Variants in ZNF83 observed in about 807,000 individuals in gnomAD.
ZNF83 encodes zinc finger protein 816B.
For synonymous variants in ZNF83, 209 were observed against 213.0 expected, an observed-to-expected ratio of 0.98 and a Z score of 0.17; for missense variants, 552 against 629.9, an observed-to-expected ratio of 0.88 and a Z score of 1.32.
At chr19:52,663,736 G>C (rs574893588) in intron 1 of ZNF83, among the ~76,000 whole-genome samples, 5 of 152,214 alleles carry the variant, frequency 3.3e-5, no homozygotes, top group Non-Finnish European at 1.5e-5. Context: ...ATAAATTTCA[G>C]AGAAAAACAA....
chr19:52,631,929 A>C (rs572820785), intron 2 of ZNF83, among the ~76,000 whole-genome samples: 17 of 124,190 alleles, frequency 1.4e-4, no homozygotes, highest in South Asian at 7.2e-4. Context: ...CTCAGGGATT[A>C]TTCAGGCCCC....
chr19:52,664,650 C>A (rs1488171165), intron 1 of ZNF83, among the ~76,000 whole-genome samples: 2 of 150,682 alleles, frequency 1.3e-5, no homozygotes, highest in Non-Finnish European at 2.9e-5. Flanking sequence ...GGTGGAACCC[C>A]AGGAGGTGAG....
intron 2 of ZNF83, among the ~76,000 whole-genome samples, chr19:52,626,344 T>TACTC: frequency 6.6e-6 from 1 of 152,336 alleles, no homozygotes; most frequent in South Asian, 2.1e-4. Flanking sequence ...GGCCTGGACT[T>TACTC]ACTCACTGCT....
intron 2 of ZNF83, among the ~76,000 whole-genome samples, chr19:52,630,751 C>T (rs563068975): frequency 2.6e-5 from 4 of 152,058 alleles, no homozygotes; most frequent in Non-Finnish European, 5.9e-5. Flanking sequence ...TTACCCCACT[C>T]AACGCCAGTA....
intron 1 of ZNF83, among the ~76,000 whole-genome samples, chr19:52,681,307 C>G (rs1430474425): frequency 1.1e-5 from 1 of 89,560 alleles, no homozygotes; most frequent in African/African-American, 3.8e-5. Flanking sequence ...AAAAAGCAAA[C>G]GAACATAGAG....
intron 1 of ZNF83, among the ~76,000 whole-genome samples, chr19:52,668,865 G>A (rs965520405): frequency 1.3e-5 from 2 of 152,072 alleles, no homozygotes; most frequent in African/African-American, 4.8e-5. Context: ...TACATCCTGG[G>A]GTAACAAGTT....
chr19:52,618,823 A>C (rs920354719), intron 2 of ZNF83: 1 of 1,451,206 alleles, frequency 6.9e-7, no homozygotes. Flanking sequence ...TCATTTCAAA[A>C]TCAATACGGC....
chr19:52,634,798 C>G (rs1254892451), intron 2 of ZNF83, among the ~76,000 whole-genome samples: 1 of 152,088 alleles, frequency 6.6e-6, no homozygotes, highest in Non-Finnish European at 1.5e-5. Context: ...GCACTGACAC[C>G]ACGGGACCCT....
At chr19:52,679,182 G>C (rs2061867367) in intron 1 of ZNF83, among the ~76,000 whole-genome samples, 1 of 152,202 alleles carries the variant, frequency 6.6e-6, no homozygotes, top group Non-Finnish European at 1.5e-5. Flanking sequence ...CCTCATAGGA[G>C]GCTGTGAGCC....
chr19:52,640,061 C>T (rs571265260), upstream of ZNF83, among the ~76,000 whole-genome samples: 565 of 152,326 alleles, frequency 3.7e-3, 1 homozygote, highest in Non-Finnish European at 5.9e-3. Flanking sequence ...CCATCTGTGT[C>T]AGCTAATTAG....
At chr19:52,614,022 T>C in exon 3 of ZNF83, 1 of 1,613,340 alleles carries the variant, frequency 6.2e-7, no homozygotes, top group African/African-American at 1.3e-5. Context: ...CCTTGCCACA[T>C]TCATTACATT....
At chr19:52,683,865 G>C (rs904466784) in intron 1 of ZNF83, among the ~76,000 whole-genome samples, 2 of 152,162 alleles carry the variant, frequency 1.3e-5, no homozygotes, top group Non-Finnish European at 2.9e-5. Flanking sequence ...AGGTGCTGCT[G>C]TTGTCCTGTG....
chr19:52,640,705 C>CG (rs552043591), upstream of ZNF83, among the ~76,000 whole-genome samples: 373 of 152,220 alleles, frequency 2.5e-3, 3 homozygotes, highest in Non-Finnish European at 4.1e-3. Context: ...CTCCCCACTG[C>CG]GCTGCCCCAG....
chr19:52,651,541 G>A (rs1446823326), intron 3 of ZNF83: 1 of 152,490 alleles, frequency 6.6e-6, no homozygotes, highest in East Asian at 1.9e-4. Flanking sequence ...GGGACTATGT[G>A]GTGTGGTGGC....
At chr19:52,665,931 T>C (rs1295995021) in intron 1 of ZNF83, among the ~76,000 whole-genome samples, 1 of 151,352 alleles carries the variant, frequency 6.6e-6, no homozygotes, top group Non-Finnish European at 1.5e-5. Context: ...GAGGCTGAGG[T>C]GGGCAAATCA....
At chr19:52,677,076 T>C (rs993427190) in intron 1 of ZNF83, among the ~76,000 whole-genome samples, 114 of 143,680 alleles carry the variant, frequency 7.9e-4, no homozygotes, top group African/African-American at 2.6e-3. Flanking sequence ...TGTTGTCCTA[T>C]GACCCTGCCA....
intron 1 of ZNF83, among the ~76,000 whole-genome samples, chr19:52,665,709 A>G (rs955168729): frequency 2.0e-5 from 3 of 152,108 alleles, no homozygotes; most frequent in Admixed American, 6.5e-5. Flanking sequence ...AAATTAGCCA[A>G]TCGGAATTAG....
At chr19:52,613,770 T>C (rs562525525) in exon 3 of ZNF83, 2 of 1,609,558 alleles carry the variant, frequency 1.2e-6, no homozygotes, top group Non-Finnish European at 1.7e-6. Context: ...CCTTTCCACA[T>C]ACATTACATC....
intron 2 of ZNF83, among the ~76,000 whole-genome samples, chr19:52,627,941 T>C (rs2060804066): frequency 3.3e-5 from 5 of 152,108 alleles, no homozygotes; most frequent in Admixed American, 3.3e-4. Flanking sequence ...TGACACTGTC[T>C]TTTGAAATTC....
Sources: allele counts gnomAD v4.1 joint callset (sites outside exome capture counted in the v4.1 genomes callset), GRCh38; gene constraint gnomAD v4.1.1; transcripts MANE v1.5; gene names NCBI Gene and HGNC (gene_info 2026-07-23, HGNC 2026-07-21).